Variants in LRP6 observed in about 807,000 individuals in gnomAD.
LRP6 encodes low-density lipoprotein receptor-related protein 6.
In LRP6, 43 loss-of-function variants were observed where a neutral mutation model predicts 184.1. That is an observed-to-expected ratio of 0.23 (90% CI 0.18 to 0.30). The LOEUF is 0.30. Among genes scored for constraint, LRP6 ranks in the 10% least tolerant of loss-of-function variants. The pLI is 1.00. For missense variants in LRP6, 1,571 were observed against 2,005.3 expected (o/e 0.78, Z 4.14); for synonymous variants, 719 against 684.9 (o/e 1.05, Z -0.78).
intron 2 of LRP6, among the ~76,000 whole-genome samples, chr12:12,235,585 C>T (rs994197808): frequency 4.6e-5 from 7 of 151,974 alleles, no homozygotes; most frequent in Non-Finnish European, 1.0e-4. Context: ...ACAAAATTAG[C>T]CAGGCATAGT....
At chr12:12,151,165 A>C in intron 12 of LRP6, 127 bp from the exon 13 acceptor site, 5 of 878,246 alleles carry the variant, frequency 5.7e-6, no homozygotes, top group Non-Finnish European at 9.1e-6. Flanking sequence ...GCTAAGGCTG[A>C]GGACAAAATT....
At chr12:12,255,425 A>T (rs1865436962) in intron 1 of LRP6, among the ~76,000 whole-genome samples, 1 of 151,700 alleles carries the variant, frequency 6.6e-6, no homozygotes, top group African/African-American at 2.4e-5. Flanking sequence ...TTTCTATAAA[A>T]AAAAAAAAAG....
At position 12,266,882 on chromosome 12, in the gene LRP6, A is replaced by G; in HGVS notation, c.-147T>C. On this transcript the variant is annotated 5_prime_UTR_variant, in exon 1 of 23. Coordinates refer to ENST00000261349, the MANE Select transcript of LRP6 (RefSeq NM_002336.3). ...AGAGAAGAAAGAAAGGGGCACGTCA[A>G]GGTTCCGCGCGCGCCGCCGCCGCCC... 1 of 739,904 alleles carries G rather than the reference A, an allele frequency of 1.4e-6. No homozygotes were observed. The highest frequency in any genetic ancestry group is 2.7e-5 in the East Asian group (1 of 36,892). The allele number at this position is 739,904 out of a possible 1,614,324, so 45.8% of individuals were successfully genotyped here. A position where few individuals can be genotyped will look rare whatever the true frequency, so the allele number is the denominator to read the frequency against.
At chr12:12,183,833 CCTATT>C in intron 5 of LRP6, 142 bp downstream of exon 5, 3 of 675,496 alleles carry the variant, frequency 4.4e-6, no homozygotes, top group East Asian at 2.7e-5. Context: ...ACAAAACACT[CCTATT>C]CTATAACCAT....
intron 16 of LRP6, among the ~76,000 whole-genome samples, chr12:12,135,761 C>T (rs1949829229): frequency 6.6e-6 from 1 of 151,894 alleles, no homozygotes; most frequent in Non-Finnish European, 1.5e-5. Context: ...TCAATCTCTA[C>T]ACAACCTACA....
intron 17 of LRP6, among the ~76,000 whole-genome samples, chr12:12,132,309 C>T (rs1489922001): frequency 2.0e-5 from 3 of 152,156 alleles, no homozygotes; most frequent in African/African-American, 4.8e-5. Context: ...TAATCCAAAA[C>T]AGGATTGTAA....
chr12:12,235,736 A>C (rs1012567040), intron 2 of LRP6, among the ~76,000 whole-genome samples: 1 of 152,022 alleles, frequency 6.6e-6, no homozygotes, highest in Non-Finnish European at 1.5e-5. Context: ...GGCTCAAAAA[A>C]AAAAAGAAAA....
chr12:12,138,589 T>C (rs1167590979), intron 15 of LRP6, 55 bp from the exon 16 acceptor site: 10 of 1,484,894 alleles, frequency 6.7e-6, no homozygotes, highest in Non-Finnish European at 7.5e-6. Context: ...AGTTATACTT[T>C]TGGTAATTAT....
At chr12:12,237,716 T>A (rs1226890992) in intron 2 of LRP6, among the ~76,000 whole-genome samples, 6 of 152,166 alleles carry the variant, frequency 3.9e-5, no homozygotes, top group Admixed American at 3.9e-4. Context: ...AGAGCCAAAC[T>A]GAGGAACGTT....
intron 12 of LRP6, among the ~76,000 whole-genome samples, chr12:12,151,877 C>T (rs1950086304): frequency 6.6e-6 from 1 of 152,038 alleles, no homozygotes; most frequent in African/African-American, 2.4e-5. Context: ...CCAGTAGTGG[C>T]AGTAATAAAC....
At chr12:12,143,478 G>A (rs907514218) in intron 15 of LRP6, among the ~76,000 whole-genome samples, 1 of 152,142 alleles carries the variant, frequency 6.6e-6, no homozygotes, top group East Asian at 1.9e-4. Context: ...AAAAAATACT[G>A]AAGACACAGA....
At chr12:12,180,236 A>AT (rs1863309445) in intron 6 of LRP6, among the ~76,000 whole-genome samples, 1 of 128,638 alleles carries the variant, frequency 7.8e-6, no homozygotes, top group African/African-American at 2.8e-5. Flanking sequence ...TTACAGTTTT[A>AT]CTTCTTTTTT....
intron 13 of LRP6, among the ~76,000 whole-genome samples, chr12:12,150,551 T>C (rs1242392075): frequency 6.6e-6 from 1 of 151,766 alleles, no homozygotes; most frequent in Non-Finnish European, 1.5e-5. Context: ...ACAATAGAAA[T>C]GTAAGGAAAA....
At chr12:12,235,627 G>A (rs1333497086) in intron 2 of LRP6, among the ~76,000 whole-genome samples, 2 of 152,062 alleles carry the variant, frequency 1.3e-5, no homozygotes, top group Non-Finnish European at 2.9e-5. Context: ...CTACTCGGGA[G>A]GCTGAAGCAG....
At chr12:12,173,278 A>AT (rs1251774588) in intron 7 of LRP6, among the ~76,000 whole-genome samples, 2 of 152,294 alleles carry the variant, frequency 1.3e-5, no homozygotes, top group African/African-American at 4.8e-5. Context: ...TAGGGAAAAG[A>AT]TTAACATGTC....
intron 18 of LRP6, among the ~76,000 whole-genome samples, chr12:12,131,399 C>T (rs1158273979): frequency 1.3e-5 from 2 of 151,950 alleles, no homozygotes; most frequent in African/African-American, 2.4e-5. Context: ...TGAGCCACCA[C>T]GCCCGGCTTA....
At chr12:12,250,420 C>G (rs2135929135) in intron 1 of LRP6, among the ~76,000 whole-genome samples, 1 of 152,262 alleles carries the variant, frequency 6.6e-6, no homozygotes. Flanking sequence ...CTCTGTAACC[C>G]TTTCTAATTG....
At chr12:12,230,757 G>C (rs1864762199) in intron 2 of LRP6, among the ~76,000 whole-genome samples, 1 of 152,124 alleles carries the variant, frequency 6.6e-6, no homozygotes, top group East Asian at 1.9e-4. Context: ...AAAACATCTA[G>C]AACTACTGGT....
intron 16 of LRP6, among the ~76,000 whole-genome samples, chr12:12,136,233 GAGT>G (rs1949837482): frequency 6.6e-6 from 1 of 152,088 alleles, no homozygotes; most frequent in Admixed American, 6.5e-5. Context: ...GCTGAAACTT[GAGT>G]ATTATTCTAT....
Sources: gnomAD v4.1 joint callset for allele counts (sites outside exome capture counted in the v4.1 genomes callset) on GRCh38, gnomAD v4.1.1 for gene constraint, MANE v1.5 for transcripts, NCBI Gene and HGNC (gene_info 2026-07-23, HGNC 2026-07-21) for gene names.